EYS: variants seen among roughly 807,000 people sequenced by gnomAD.
EYS encodes the protein protein eyes shut homolog.
EYS carries 250 observed loss-of-function variants against 282.1 expected under a neutral mutation model. The observed-to-expected ratio is 0.89, with a 90% CI of 0.80 to 0.98. The LOEUF is 0.98. Ranked by LOEUF, EYS falls within the 50% of genes least tolerant of loss-of-function variation. The probability of loss-of-function intolerance (pLI) is 0.00; values close to 1 mark genes in which losing one functional copy is unlikely to be tolerated. For missense variants in EYS, 4,016 were observed against 3,709.0 expected, an observed-to-expected ratio of 1.08 and a Z score of -2.15; for synonymous variants, 1,355 against 1,282.9, an observed-to-expected ratio of 1.06 and a Z score of -1.20.
intron 8 of EYS, among the ~76,000 whole-genome samples, chr6:65,379,954 A>G (rs994748015): frequency 1.3e-5 from 2 of 152,046 alleles, no homozygotes; most frequent in Non-Finnish European, 2.9e-5. Flanking sequence ...ACCACTGCTC[A>G]AGGAAATAAG....
chr6:63,820,116 T>C (rs906634369), intron 36 of EYS, among the ~76,000 whole-genome samples: 4 of 152,212 alleles, frequency 2.6e-5, no homozygotes, highest in African/African-American at 9.6e-5. Context: ...AAAGTGCATA[T>C]AATCTTCTTG....
At position 64,997,596 on chromosome 6, in the gene EYS, T is replaced by C; in HGVS notation, c.2245A>G (p.Lys749Glu). The part of the protein sequence containing the change: ...LNACEHNSTC[K>E]DLHLSYQCVC... Reference sequence around the variant, plus strand: ...TGGATACTAACGAGATGCAGGTCTTTGCAGGTAGAATTGTGCTCACAGGCA... The same window carrying C: ...TGGATACTAACGAGATGCAGGTCTTCGCAGGTAGAATTGTGCTCACAGGCA... The change falls in exon 14 of 43, where the codon AAA (lysine) becomes GAA (glutamate). Residue 749 changes from lysine (K) to glutamate (E), a missense_variant. Physicochemically the swap from Lys to Glu is moderately conservative, Grantham distance 56. Coordinates refer to ENST00000503581, the MANE Select transcript of EYS (RefSeq NM_001142800.2). 1 of 1,551,220 alleles carries C rather than the reference T, an allele frequency of 6.4e-7. No homozygotes were observed. Among genetic ancestry groups the C allele is most frequent in the Non-Finnish European group, 8.7e-7 (1 of 1,146,528 alleles).
In EYS at chr6:65,544,099, C is replaced by CTGTTT. The variant is rs544166458; in HGVS notation, c.-332-48111_-332-48107dup. On this transcript the variant is annotated intron_variant, in intron 2 of 42. Coordinates refer to ENST00000503581, the MANE Select transcript of EYS (RefSeq NM_001142800.2). The stretch of plus-strand genomic sequence containing the variant: ...TCTTTACAGACCCTATATGGAAGAT[C>CTGTTT]TGTTTTGTTTTGTTTTGTTTTTCCA... Among the ~76,000 whole-genome samples, 122 of 151,510 alleles carry CTGTTT rather than the reference C, an allele frequency of 8.1e-4. No homozygotes were observed. In the East Asian group the frequency reaches 0.022, roughly 27 times the overall value.
intron 19 of EYS, among the ~76,000 whole-genome samples, chr6:64,830,678 C>T (rs571097584): frequency 9.2e-4 from 140 of 151,938 alleles, no homozygotes; most frequent in Non-Finnish European, 1.6e-3. Flanking sequence ...TGAAAGTGAT[C>T]TTGTCTATTT....
At chr6:64,479,808 TCTG>T (rs1218658551) in intron 26 of EYS, among the ~76,000 whole-genome samples, 23 of 152,058 alleles carry the variant, frequency 1.5e-4, no homozygotes, top group African/African-American at 5.5e-4. Context: ...AACACCCAAA[TCTG>T]CATGGCATAA....
chr6:65,673,530 G>T (rs1356116016), intron 1 of EYS, among the ~76,000 whole-genome samples: 1 of 152,044 alleles, frequency 6.6e-6, no homozygotes, highest in Non-Finnish European at 1.5e-5. Context: ...TGGCCAAGGG[G>T]GTTCAGCGTA....
At chr6:65,060,840 A>G (rs1399993885) in intron 12 of EYS, among the ~76,000 whole-genome samples, 1 of 150,610 alleles carries the variant, frequency 6.6e-6, no homozygotes, top group Non-Finnish European at 1.5e-5. Flanking sequence ...TTTAAAATGT[A>G]TGCTTATGAA....
chr6:65,025,199 C>A (rs1772369666), intron 13 of EYS, among the ~76,000 whole-genome samples: 1 of 152,116 alleles, frequency 6.6e-6, no homozygotes, highest in Non-Finnish European at 1.5e-5. Flanking sequence ...AGTTGATAAA[C>A]CATACTTAGC....
intron 18 of EYS, among the ~76,000 whole-genome samples, chr6:64,892,185 A>T (rs978253511): frequency 2.6e-5 from 4 of 151,948 alleles, no homozygotes; most frequent in African/African-American, 9.7e-5. Flanking sequence ...ATTAGCCACG[A>T]TTACATTTCA....
chr6:65,004,218 T>C (rs9360107), intron 13 of EYS, among the ~76,000 whole-genome samples: 11,412 of 147,268 alleles, frequency 0.077, 1,758 homozygotes, highest in East Asian at 0.17. Flanking sequence ...ATTCTGACAC[T>C]AGAAAGGAAA....
intron 31 of EYS, among the ~76,000 whole-genome samples, chr6:64,113,712 G>C (rs1446175971): frequency 3.3e-5 from 5 of 152,134 alleles, no homozygotes; most frequent in Non-Finnish European, 1.5e-5. Flanking sequence ...ACCATGGGAA[G>C]CATCTAGAGA....
At chr6:64,755,292 A>G (rs74975398) in intron 22 of EYS, among the ~76,000 whole-genome samples, 1 of 152,090 alleles carries the variant, frequency 6.6e-6, no homozygotes, top group African/African-American at 2.4e-5. Context: ...AAAGAATTAT[A>G]GGTGACACAA....
chr6:64,858,447 T>A (rs116206171), intron 19 of EYS, among the ~76,000 whole-genome samples: 44 of 152,194 alleles, frequency 2.9e-4, no homozygotes, highest in African/African-American at 1.0e-3. Flanking sequence ...CCTGTTCCAT[T>A]GGTTGATGTG....
intron 8 of EYS, among the ~76,000 whole-genome samples, chr6:65,382,213 G>GTTTTTTTTTTTTTTTTTTTTTGTTTT (rs67123749): frequency 9.5e-6 from 1 of 105,018 alleles, no homozygotes; most frequent in Non-Finnish European, 1.9e-5. Flanking sequence ...ATCCTTTGGT[G>GTTTTTTTTTTTTTTTTTTTTTGTTTT]TTTTTTTTTT....
At chr6:65,331,663 A>T (rs1281789068) in intron 11 of EYS, 1 of 979,842 alleles carries the variant, frequency 1.0e-6, no homozygotes, top group African/African-American at 1.8e-5. Context: ...AAAGGAAATA[A>T]CATCACAAAA....
At chr6:63,898,831 T>G (rs2149729886) in intron 35 of EYS, among the ~76,000 whole-genome samples, 1 of 152,282 alleles carries the variant, frequency 6.6e-6, no homozygotes, top group Admixed American at 6.5e-5. Context: ...ATTTTAAGTA[T>G]ATATTGATGG....
chr6:65,272,183 G>T (rs992449686), intron 12 of EYS, among the ~76,000 whole-genome samples: 2 of 152,140 alleles, frequency 1.3e-5, no homozygotes, highest in Non-Finnish European at 2.9e-5. Flanking sequence ...CAGTCACTGA[G>T]ATCTTTGCTT....
At position 65,545,236 on chromosome 6, in the gene EYS, T is replaced by C. The variant is rs895683816; in HGVS notation, c.-332-49243A>G. Among the ~76,000 whole-genome samples, 5 of 64,054 alleles carry C rather than the reference T, an allele frequency of 7.8e-5. 1 individual carries two copies. The highest frequency in any genetic ancestry group is 5.8e-4 in the African/African-American group (5 of 8,560). 42.0% of individuals were successfully genotyped at this position (64,054 alleles called of 152,430 possible). A position where few individuals can be genotyped will look rare whatever the true frequency, so the allele number is the denominator to read the frequency against. ...CTGTTCCTGGCCTAGATTTTTTTTA[T>C]TCTGTTTTTTTTTTTTCTCTGATCA... On this transcript the variant is annotated intron_variant, in intron 2 of 42. Coordinates refer to ENST00000503581, the MANE Select transcript of EYS (RefSeq NM_001142800.2).
At chr6:65,310,127 T>C (rs1428517859) in intron 11 of EYS, among the ~76,000 whole-genome samples, 1 of 152,106 alleles carries the variant, frequency 6.6e-6, no homozygotes, top group Non-Finnish European at 1.5e-5. Context: ...ACAGATCACT[T>C]GAGGTCAGGA....
Sources: allele counts gnomAD v4.1 joint callset (sites outside exome capture counted in the v4.1 genomes callset), GRCh38; gene constraint gnomAD v4.1.1; transcripts MANE v1.5; gene names NCBI Gene and HGNC (gene_info 2026-07-23, HGNC 2026-07-21).